The following STON2 variants were observed in gnomAD, a reference collection of about 807,000 sequenced individuals.
STON2 encodes the protein stonin 2.
Under a neutral mutation model 65.7 loss-of-function variants are expected in STON2, and 29 were observed. The observed-to-expected ratio is 0.44, with a 90% CI of 0.33 to 0.60. The LOEUF is 0.60. Ranked by LOEUF, STON2 falls within the 20% of genes least tolerant of loss-of-function variation. STON2 has a pLI of 0.03. For missense variants in STON2, 1,054 were observed against 1,118.1 expected (o/e 0.94, Z 0.82); for synonymous variants, 404 against 414.2 (o/e 0.98, Z 0.30).
chr14:81,430,730 CATATA>C (rs1402102332), intron 1 of STON2, among the ~76,000 whole-genome samples: 1 of 152,106 alleles, frequency 6.6e-6, no homozygotes, highest in Non-Finnish European at 1.5e-5. Flanking sequence ...TGTGAAAAAA[CATATA>C]TATATGAGAT....
chr14:81,335,612 G>C (rs1040974711), intron 4 of STON2, among the ~76,000 whole-genome samples: 2 of 152,196 alleles, frequency 1.3e-5, no homozygotes, highest in African/African-American at 4.8e-5. Flanking sequence ...GGAAAGAGCT[G>C]AAGGGAGAAA....
intron 5 of STON2, among the ~76,000 whole-genome samples, chr14:81,316,255 T>G (rs1422738610): frequency 6.6e-6 from 1 of 152,122 alleles, no homozygotes; most frequent in Non-Finnish European, 1.5e-5. Flanking sequence ...CACAAAGACT[T>G]TGTGAGAACT....
chr14:81,315,250 G>C (rs760834405), intron 5 of STON2, among the ~76,000 whole-genome samples: 3 of 152,132 alleles, frequency 2.0e-5, no homozygotes, highest in Non-Finnish European at 4.4e-5. Context: ...GAGAGGCCTC[G>C]TTTAGAAGAC....
chr14:81,274,293 A>C (rs1254567429), intron 6 of STON2, among the ~76,000 whole-genome samples: 2 of 152,216 alleles, frequency 1.3e-5, no homozygotes, highest in Non-Finnish European at 2.9e-5. Context: ...TGAGGATTTA[A>C]GTAAGAAACA....
intron 5 of STON2, among the ~76,000 whole-genome samples, chr14:81,291,225 C>G (rs940825623): frequency 2.0e-5 from 3 of 152,044 alleles, no homozygotes; most frequent in African/African-American, 7.2e-5. Context: ...TTGAGAACTA[C>G]AAGGGATATG....
intron 1 of STON2, among the ~76,000 whole-genome samples, chr14:81,427,886 C>T (rs1214095869): frequency 3.3e-5 from 5 of 152,066 alleles, no homozygotes; most frequent in Non-Finnish European, 7.4e-5. Flanking sequence ...CTTTTGCTTC[C>T]AGATACCACA....
intron 1 of STON2, among the ~76,000 whole-genome samples, chr14:81,434,531 C>T (rs1902337162): frequency 6.6e-6 from 1 of 152,142 alleles, no homozygotes; most frequent in Non-Finnish European, 1.5e-5. Context: ...AGGCTCCTGG[C>T]AAAAGCACAA....
chr14:81,368,905 G>A (rs770659717), intron 4 of STON2, among the ~76,000 whole-genome samples: 1 of 152,204 alleles, frequency 6.6e-6, no homozygotes, highest in Non-Finnish European at 1.5e-5. Flanking sequence ...AAGTGTGCTG[G>A]CTATTCCAAC....
chr14:81,430,178 T>C (rs1025054018), intron 1 of STON2, among the ~76,000 whole-genome samples: 3 of 152,150 alleles, frequency 2.0e-5, no homozygotes, highest in Non-Finnish European at 2.9e-5. Flanking sequence ...CAGCACAATC[T>C]GGGAAAGACT....
chr14:81,333,163 C>G (rs1226802932), intron 4 of STON2: 2 of 1,332,502 alleles, frequency 1.5e-6, no homozygotes, highest in Non-Finnish European at 2.1e-6. Context: ...CTTGCCACCA[C>G]CAAAATGAGT....
intron 5 of STON2, among the ~76,000 whole-genome samples, chr14:81,293,224 A>G (rs1469827134): frequency 2.1e-5 from 3 of 143,082 alleles, no homozygotes; most frequent in Non-Finnish European, 4.5e-5. Context: ...ATCAGGCTGG[A>G]GTGCAGTGGT....
chr14:81,425,331 A>G (rs1316861048), intron 2 of STON2, among the ~76,000 whole-genome samples: 3 of 152,174 alleles, frequency 2.0e-5, no homozygotes, highest in African/African-American at 7.2e-5. Context: ...CCACTTTAAG[A>G]GGCTGAGGAG....
intron 5 of STON2, among the ~76,000 whole-genome samples, chr14:81,321,539 C>T: frequency 6.6e-6 from 1 of 152,060 alleles, no homozygotes; most frequent in East Asian, 1.9e-4. Flanking sequence ...CAGTTAGATG[C>T]CTCTTTAAAT....
At chr14:81,356,469 CTT>C (rs768527905) in intron 4 of STON2, among the ~76,000 whole-genome samples, 6 of 151,950 alleles carry the variant, frequency 3.9e-5, no homozygotes, top group Non-Finnish European at 7.4e-5. Context: ...CTAAAATTCT[CTT>C]TTTTTGTTGT....
upstream of STON2, among the ~76,000 whole-genome samples, chr14:81,403,024 C>A (rs11848844): frequency 0.027 from 4,145 of 152,214 alleles, 202 homozygotes; most frequent in African/African-American, 0.094. Flanking sequence ...TAAAAATTGT[C>A]GTATAAATGC....
chr14:81,404,977 TATA>T (rs1422769026), upstream of STON2, among the ~76,000 whole-genome samples: 6 of 152,250 alleles, frequency 3.9e-5, no homozygotes, highest in African/African-American at 1.4e-4. Flanking sequence ...CTCATGCTTA[TATA>T]ATGTGTCTTC....
At chr14:81,346,811 T>C (rs1364428184) in intron 4 of STON2, among the ~76,000 whole-genome samples, 1 of 152,150 alleles carries the variant, frequency 6.6e-6, no homozygotes, top group African/African-American at 2.4e-5. Context: ...ATTAGACATG[T>C]TCCTAAACAA....
At chr14:81,425,843 G>A (rs975707796) in intron 2 of STON2, among the ~76,000 whole-genome samples, 2 of 152,102 alleles carry the variant, frequency 1.3e-5, no homozygotes, top group South Asian at 4.1e-4. Flanking sequence ...TAAGTCTCTG[G>A]CATATGTGTA....
chr14:81,285,278 A>G (rs116758809), intron 5 of STON2, among the ~76,000 whole-genome samples: 1,538 of 152,364 alleles, frequency 0.01, 29 homozygotes, highest in African/African-American at 0.036. Flanking sequence ...TCTAGATGCC[A>G]TTACAAACAT....
Sources: gnomAD v4.1 joint callset for allele counts (sites outside exome capture counted in the v4.1 genomes callset) on GRCh38, gnomAD v4.1.1 for gene constraint, MANE v1.5 for transcripts, NCBI Gene and HGNC (gene_info 2026-07-23, HGNC 2026-07-21) for gene names.